MYH11: variants seen among roughly 807,000 people sequenced by gnomAD.
The protein encoded by MYH11 is myosin heavy chain 11, also known as myosin-11.
A neutral mutation model predicts 246.6 loss-of-function variants in MYH11; 80 were observed. The observed-to-expected ratio is 0.32, with a 90% confidence interval of 0.27 to 0.39. The LOEUF (loss-of-function observed/expected upper bound fraction) is 0.39. Among genes scored for constraint, MYH11 ranks in the 10% least tolerant of loss-of-function variants. MYH11 has a pLI of 1.00. For synonymous variants in MYH11, 1,071 were observed against 1,015.5 expected (o/e 1.05, Z -1.04); for missense variants, 2,158 against 2,546.8 (o/e 0.85, Z 3.29).
chr16:15,784,939 T>A, intron 5 of MYH11: 1 of 497,380 alleles, frequency 2.0e-6, no homozygotes, highest in Non-Finnish European at 3.6e-6. Flanking sequence ...GCTCAGGCAA[T>A]CCTCCTGCCT....
intron 2 of MYH11, among the ~76,000 whole-genome samples, chr16:15,834,167 A>G (rs215589): frequency 0.78 from 118,445 of 151,906 alleles, 46,396 homozygotes; most frequent in African/African-American, 0.82. Context: ...GTCTTAGATG[A>G]AAGACCTGGG....
intron 3 of MYH11, among the ~76,000 whole-genome samples, chr16:15,809,376 C>A (rs1040454190): frequency 2.7e-5 from 4 of 150,576 alleles, no homozygotes; most frequent in African/African-American, 9.8e-5. Flanking sequence ...TACAAAAAAT[C>A]AAAAAATTAG....
intron 3 of MYH11, among the ~76,000 whole-genome samples, chr16:15,802,064 A>G (rs529988488): frequency 2.6e-5 from 4 of 152,236 alleles, no homozygotes; most frequent in Non-Finnish European, 5.9e-5. Flanking sequence ...TATCCTGGTT[A>G]TGTTTGTGCT....
chr16:15,756,763 C>G (rs2041728311), intron 13 of MYH11, among the ~76,000 whole-genome samples: 1 of 151,360 alleles, frequency 6.6e-6, no homozygotes, highest in South Asian at 2.1e-4. Flanking sequence ...GTGGGCAACA[C>G]GCAGGCAACA....
At chr16:15,809,074 C>T (rs11866830) in intron 3 of MYH11, among the ~76,000 whole-genome samples, 2 of 152,100 alleles carry the variant, frequency 1.3e-5, no homozygotes, top group African/African-American at 4.8e-5. Flanking sequence ...GCCAAGCCTA[C>T]ACTTCACCTT....
chr16:15,769,561 TG>T (rs1192012123), intron 9 of MYH11, among the ~76,000 whole-genome samples: 2 of 152,148 alleles, frequency 1.3e-5, no homozygotes, highest in East Asian at 3.9e-4. Context: ...CCCAAGTAGC[TG>T]GGACTACAGT....
intron 1 of MYH11, among the ~76,000 whole-genome samples, chr16:15,839,370 G>A (rs945869259): frequency 4.6e-5 from 7 of 152,126 alleles, no homozygotes; most frequent in African/African-American, 1.4e-4. Flanking sequence ...TATTAGGCTG[G>A]TGCAAACGTA....
chr16:15,801,492 C>A (rs2042884137), intron 3 of MYH11, among the ~76,000 whole-genome samples: 1 of 149,884 alleles, frequency 6.7e-6, no homozygotes, highest in Middle Eastern at 3.2e-3. Context: ...CCAGTCTCTA[C>A]AAAAAAAAAT....
intron 7 of MYH11, among the ~76,000 whole-genome samples, chr16:15,778,296 T>TA (rs1201348082): frequency 1.3e-5 from 2 of 152,176 alleles, no homozygotes; most frequent in African/African-American, 4.8e-5. Flanking sequence ...ACCAACTCTC[T>TA]AAGAGGACGA....
intron 1 of MYH11, among the ~76,000 whole-genome samples, chr16:15,852,618 C>T (rs753755202): frequency 2.6e-5 from 4 of 151,998 alleles, no homozygotes; most frequent in African/African-American, 4.8e-5. Context: ...GGATTACAGG[C>T]GTGAGCCACT....
chr16:15,755,554 C>T (rs1021090243), intron 14 of MYH11, among the ~76,000 whole-genome samples: 1 of 152,110 alleles, frequency 6.6e-6, no homozygotes, highest in African/African-American at 2.4e-5. Context: ...TTCAGGAAGC[C>T]GAGGCAGGGA....
chr16:15,854,226 C>T (rs925952423), intron 1 of MYH11, among the ~76,000 whole-genome samples: 15 of 152,104 alleles, frequency 9.9e-5, no homozygotes, highest in South Asian at 2.1e-4. Flanking sequence ...TTAGGCTTCC[C>T]GGTTCTGCCA....
chr16:15,766,546 AT>A (rs2041988609), intron 9 of MYH11, among the ~76,000 whole-genome samples: 1 of 151,870 alleles, frequency 6.6e-6, no homozygotes, highest in Non-Finnish European at 1.5e-5. Context: ...TAATTTTTCT[AT>A]TTTTAGTAGA....
intron 26 of MYH11, 138 bp from the exon 27 acceptor site, chr16:15,732,846 G>A (rs1266222138): frequency 9.1e-7 from 1 of 1,103,684 alleles, no homozygotes; most frequent in Non-Finnish European, 1.3e-6. Context: ...TGTGACCTTG[G>A]GTCATTCACC....
chr16:15,763,741 T>TCGCGCCCCC, intron 10 of MYH11, 55 bp downstream of exon 10: 1 of 646,862 alleles, frequency 1.5e-6, no homozygotes, highest in East Asian at 3.2e-5. Context: ...AAATGTCACC[T>TCGCGCCCCC]CCCCCACCCC....
chr16:15,717,794 CAAAA>C (rs200605550), intron 37 of MYH11: 1 of 253,978 alleles, frequency 3.9e-6, no homozygotes, highest in African/African-American at 2.2e-5. Flanking sequence ...ACCCTGTCTC[CAAAA>C]AAAAGAGGTG....
chr16:15,775,947 A>T, intron 8 of MYH11, 131 bp downstream of exon 8: 1 of 781,236 alleles, frequency 1.3e-6, no homozygotes, highest in Non-Finnish European at 2.3e-6. Flanking sequence ...AGAACTGTTC[A>T]TATGTCACTC....
chr16:15,757,440 T>G (rs895733218), intron 13 of MYH11, among the ~76,000 whole-genome samples: 2 of 119,406 alleles, frequency 1.7e-5, no homozygotes, highest in Non-Finnish European at 3.3e-5. Context: ...GGCAGGGAGG[T>G]GGAGGTTGCA....
chr16:15,762,330 GC>G (rs1280934584), intron 10 of MYH11, among the ~76,000 whole-genome samples: 2 of 152,126 alleles, frequency 1.3e-5, no homozygotes, highest in Non-Finnish European at 2.9e-5. Flanking sequence ...CCCCCTTCTT[GC>G]CTGGAGACTA....
Sources: allele counts gnomAD v4.1 joint callset (sites outside exome capture counted in the v4.1 genomes callset), GRCh38; gene constraint gnomAD v4.1.1; transcripts MANE v1.5; gene names NCBI Gene and HGNC (gene_info 2026-07-23, HGNC 2026-07-21).